MYPN: variants seen among roughly 807,000 people sequenced by gnomAD.
MYPN encodes the protein myopalladin.
A neutral mutation model predicts 129.4 loss-of-function variants in MYPN; 63 were observed. The observed-to-expected ratio is 0.49, with a 90% CI of 0.40 to 0.60. The LOEUF (loss-of-function observed/expected upper bound fraction) is 0.60. MYPN is among the 20% of genes least tolerant of loss of function. The probability of loss-of-function intolerance (pLI) is 0.00; values close to 1 mark genes in which losing one functional copy is unlikely to be tolerated. For synonymous variants in MYPN, 629 were observed against 600.9 expected (o/e 1.05, Z -0.68); for missense variants, 1,596 against 1,635.4 (o/e 0.98, Z 0.42).
upstream of MYPN, chr10:68,106,248 TG>T (rs750871204): frequency 1.2e-5 from 5 of 434,622 alleles, no homozygotes; most frequent in Non-Finnish European, 2.3e-5. Flanking sequence ...TTTTTAAAAA[TG>T]TTTTTAGTTT....
chr10:68,189,498 C>T (rs1182670105), intron 13 of MYPN, among the ~76,000 whole-genome samples: 1 of 152,170 alleles, frequency 6.6e-6, no homozygotes, highest in African/African-American at 2.4e-5. Context: ...CATTAACCAA[C>T]CTCTCTTCAT....
At chr10:68,156,338 AG>A (rs1353292591) in intron 6 of MYPN, among the ~76,000 whole-genome samples, 1 of 152,210 alleles carries the variant, frequency 6.6e-6, no homozygotes, top group African/African-American at 2.4e-5. Flanking sequence ...GTCAGGGTGG[AG>A]GACATACTCA....
chr10:68,195,767 T>G (rs1416772075), intron 15 of MYPN, among the ~76,000 whole-genome samples: 1 of 150,452 alleles, frequency 6.6e-6, no homozygotes, highest in African/African-American at 2.4e-5. Flanking sequence ...ATAGTAAAGT[T>G]TAACAAGCAC....
rs1369263795 is a variant in MYPN at position 68,122,082 on chromosome 10, T to C, written c.644T>C (p.Ile215Thr). 6.2e-7 allele frequency: 1 copy of C among 1,614,084 alleles called. No individual in the cohort carries two copies. Among genetic ancestry groups the C allele is most frequent in the South Asian group, 1.1e-5 (1 of 91,082 alleles). ...GAAAGATCTTCTGTTCCCATCCCTA[T>C]CCCTGCGGATACCAGGGATAATGAA... Reference protein sequence around the residue: ...RRERSSVPIPIPADTRDNEVN... With the variant: ...RRERSSVPIPTPADTRDNEVN... The change falls in exon 2 of 20, where the codon ATC becomes ACC. Residue 215 changes from isoleucine (I) to threonine (T), a missense_variant. By Grantham distance (89) the Ile-to-Thr change is moderately conservative. Coordinates refer to ENST00000358913, the MANE Select transcript of MYPN (RefSeq NM_032578.4).
chr10:68,168,156 A>G (rs1162922011), intron 10 of MYPN, among the ~76,000 whole-genome samples: 1 of 152,192 alleles, frequency 6.6e-6, no homozygotes, highest in Admixed American at 6.5e-5. Flanking sequence ...TGTGTCAAGT[A>G]CCACTGTTAA....
chr10:68,185,786 A>G (rs2043410993), intron 12 of MYPN, among the ~76,000 whole-genome samples: 1 of 152,216 alleles, frequency 6.6e-6, no homozygotes, highest in Admixed American at 6.5e-5. Flanking sequence ...AGTAATATCA[A>G]TTTAGAATCA....
chr10:68,142,947 T>C lies in MYPN; in HGVS notation c.910T>C (p.Cys304Arg). The C allele has an allele frequency of 6.2e-7, 1 of 1,614,132 alleles. No homozygotes were observed. The highest frequency in any genetic ancestry group is 8.5e-7 in the Non-Finnish European group (1 of 1,179,976). The change falls in exon 3 of 20, where the codon TGT (cysteine) becomes CGT (arginine). Residue 304 changes from cysteine to arginine, a missense_variant. Coordinates refer to ENST00000358913, the MANE Select transcript of MYPN (RefSeq NM_032578.4). ...GIPPPQVRWYCEGKELENSPD... is the reference protein window; with the variant it reads ...GIPPPQVRWYREGKELENSPD... ...ATATCCTTTTCCCTGCAGGTGGTACTGTGAAGGCAAGGAGCTTGAAAATTC... is the reference window on the plus strand; with the variant it reads ...ATATCCTTTTCCCTGCAGGTGGTACCGTGAAGGCAAGGAGCTTGAAAATTC...
chr10:68,152,202 C>T (rs1478313195), intron 6 of MYPN, among the ~76,000 whole-genome samples: 1 of 152,152 alleles, frequency 6.6e-6, no homozygotes, highest in Non-Finnish European at 1.5e-5. Context: ...ATGAAGCCTC[C>T]AGGAGCAGGC....
intron 1 of MYPN, among the ~76,000 whole-genome samples, chr10:68,089,031 G>A (rs367673066): frequency 6.6e-6 from 1 of 151,976 alleles, no homozygotes; most frequent in Non-Finnish European, 1.5e-5. Flanking sequence ...TTGTGAGTTC[G>A]TTTGTTTGTT....
At chr10:68,193,191 T>G (rs2043544054) in intron 13 of MYPN, among the ~76,000 whole-genome samples, 2 of 152,010 alleles carry the variant, frequency 1.3e-5, no homozygotes, top group Non-Finnish European at 2.9e-5. Flanking sequence ...GAAAGTCTTA[T>G]CAGATTCTAG....
At chr10:68,125,345 T>C (rs561307697) in intron 2 of MYPN, among the ~76,000 whole-genome samples, 1 of 152,352 alleles carries the variant, frequency 6.6e-6, no homozygotes, top group Admixed American at 6.5e-5. Flanking sequence ...ACTGGTTGGA[T>C]GCTAGGAAAT....
intron 10 of MYPN, among the ~76,000 whole-genome samples, chr10:68,171,046 G>A (rs990999699): frequency 4.0e-5 from 6 of 151,374 alleles, no homozygotes; most frequent in Non-Finnish European, 8.8e-5. Context: ...CTACTTAGGA[G>A]GCTGAGGCAG....
chr10:68,100,558 A>T (rs1420544185), intron 1 of MYPN, among the ~76,000 whole-genome samples: 1 of 152,190 alleles, frequency 6.6e-6, no homozygotes, highest in African/African-American at 2.4e-5. Context: ...AAAGAGCCTG[A>T]TCTTTACAGG....
At chr10:68,110,558 G>C (rs2042067904) in intron 1 of MYPN, among the ~76,000 whole-genome samples, 1 of 152,196 alleles carries the variant, frequency 6.6e-6, no homozygotes, top group East Asian at 1.9e-4. Context: ...AAACAACACA[G>C]TCATCCAGTT....
Position 68,169,181 on chromosome 10 carries a change from TAAA to T in MYPN, c.1973+2540_1973+2542del, listed in dbSNP as rs59317396. ...TAACACGGTGAAACTCCGTCTCTACTAAAAAAAAAAAAAAAAAAAAAAAAAAAT... is the reference window on the plus strand; with the variant it reads ...TAACACGGTGAAACTCCGTCTCTACTAAAAAAAAAAAAAAAAAAAAAAAAT... On this transcript the variant is annotated intron_variant, in intron 10 of 19. Transcript: ENST00000358913. Among the ~76,000 whole-genome samples, 771 of 91,004 alleles carry T rather than the reference TAAA, an allele frequency of 8.5e-3. 7 individuals carry two copies. Among genetic ancestry groups the T allele is most frequent in the Middle Eastern group, 0.023 (3 of 132 alleles). The allele number at this position is 91,004 out of a possible 152,430, so 59.7% of individuals were successfully genotyped here. A position where few individuals can be genotyped will look rare whatever the true frequency, so the allele number is the denominator to read the frequency against.
intron 6 of MYPN, among the ~76,000 whole-genome samples, chr10:68,153,953 A>G (rs908613214): frequency 2.0e-5 from 3 of 151,240 alleles, no homozygotes; most frequent in African/African-American, 7.3e-5. Flanking sequence ...ACGCTTAGCG[A>G]GCAGAGTTTT....
At chr10:68,186,637 T>C (rs553364805) in intron 12 of MYPN, among the ~76,000 whole-genome samples, 1 of 152,194 alleles carries the variant, frequency 6.6e-6, no homozygotes, top group African/African-American at 2.4e-5. Flanking sequence ...GAAAAAGTGA[T>C]TGCTTCTATT....
Position 68,166,520 on chromosome 10 carries a change from TG to T in MYPN, c.1828del (p.Glu610LysfsTer9). On this transcript the variant is annotated frameshift_variant, in exon 10 of 20. Coordinates refer to ENST00000358913, the MANE Select transcript of MYPN (RefSeq NM_032578.4). LOFTEE classifies it high-confidence loss of function. ...ACCTGCCTGAAGATGACAAAGGAAG[TG>T]AAGCATCCTCCGAGGCTGGTGTGGT... ...FNLPEDDKGS[E>X]ASSEAGVVTT... The T allele has an allele frequency of 6.2e-7, 1 of 1,614,078 alleles. No individual in the cohort carries two copies. Among genetic ancestry groups the T allele is most frequent in the Non-Finnish European group, 8.5e-7 (1 of 1,180,010 alleles).
chr10:68,199,711 G>A, intron 17 of MYPN, 136 bp downstream of exon 17: 2 of 869,760 alleles, frequency 2.3e-6, no homozygotes, highest in Non-Finnish European at 3.8e-6. Flanking sequence ...TGTGGTAGGG[G>A]TGGTATTTCC....
Sources: allele counts gnomAD v4.1 joint callset (sites outside exome capture counted in the v4.1 genomes callset), GRCh38; gene constraint gnomAD v4.1.1; transcripts MANE v1.5; gene names NCBI Gene and HGNC (gene_info 2026-07-23, HGNC 2026-07-21).